The following RNF216 variants were observed in gnomAD, a reference collection of about 807,000 sequenced individuals.
RNF216 encodes the protein ring finger protein 216.
A neutral mutation model predicts 110.8 loss-of-function variants in RNF216; 72 were observed. The observed-to-expected ratio is 0.65, with a 90% CI of 0.54 to 0.79. The LOEUF (loss-of-function observed/expected upper bound fraction) is 0.79. Among genes scored for constraint, RNF216 ranks in the 30% least tolerant of loss-of-function variants. The pLI is 0.00. For missense variants in RNF216, 1,342 were observed against 1,141.2 expected (o/e 1.18, Z -2.54); for synonymous variants, 495 against 407.5 (o/e 1.21, Z -2.59).
At chr7:5,724,529 C>T (rs1375806211) in intron 8 of RNF216, among the ~76,000 whole-genome samples, 3 of 152,210 alleles carry the variant, frequency 2.0e-5, no homozygotes, top group African/African-American at 7.2e-5. Flanking sequence ...CATTCTGCCA[C>T]AGGCCAGGGC....
At chr7:5,707,636 A>ATAT (rs1792375864) in intron 13 of RNF216, among the ~76,000 whole-genome samples, 1 of 150,626 alleles carries the variant, frequency 6.6e-6, no homozygotes, top group Admixed American at 6.6e-5. Context: ...TTCCAGTGTT[A>ATAT]TATAGCATGG....
chr7:5,739,373 A>G (rs1364439355), intron 4 of RNF216, 21 bp from the exon 5 acceptor site: 3 of 1,583,538 alleles, frequency 1.9e-6, no homozygotes, highest in East Asian at 2.2e-5. Context: ...ATAAGAACAT[A>G]ATTTATATTT....
rs1033387702 is a variant in RNF216, at chr7:5,701,795, C to A, written c.2061+9966G>T. 2.6e-5 allele frequency among the ~76,000 whole-genome samples: 4 copies of A among 152,338 alleles called. No homozygotes were observed. In the East Asian group the frequency reaches 5.8e-4, roughly 22 times the overall value. On this transcript the variant is annotated intron_variant, in intron 13 of 16. Coordinates refer to ENST00000389902, the MANE Select transcript of RNF216 (RefSeq NM_207111.4). ...CAGCACCCAGTGCTGTGCAGAGCTG[C>A]ACATCAATCAACACTTCTCACGTAA...
intron 13 of RNF216, among the ~76,000 whole-genome samples, chr7:5,654,114 C>CAGA (rs931828516): frequency 2.8e-4 from 42 of 152,028 alleles, no homozygotes; most frequent in African/African-American, 1.0e-3. Flanking sequence ...GTGCAAAAGA[C>CAGA]AGAAGCTAGT....
At chr7:5,742,230 A>T (rs573675028) in intron 3 of RNF216, among the ~76,000 whole-genome samples, 1 of 152,130 alleles carries the variant, frequency 6.6e-6, no homozygotes, top group East Asian at 1.9e-4. Flanking sequence ...TGTTTCTAAG[A>T]GAGATGGGGT....
chr7:5,746,215 C>T (rs865880558), intron 3 of RNF216, among the ~76,000 whole-genome samples: 2 of 152,126 alleles, frequency 1.3e-5, no homozygotes, highest in Admixed American at 6.5e-5. Flanking sequence ...TTGAGGGTAC[C>T]AAGGTTAGGC....
At chr7:5,770,860 T>C (rs976994337) in intron 1 of RNF216, among the ~76,000 whole-genome samples, 1 of 151,032 alleles carries the variant, frequency 6.6e-6, no homozygotes, top group Non-Finnish European at 1.5e-5. Context: ...CAGGCCGGAG[T>C]GCAGTGGTGT....
chr7:5,760,991 CA>C lies in RNF216; in HGVS notation c.67+11del, dbSNP rs779155102. 6 of 1,563,182 alleles carry C rather than the reference CA, an allele frequency of 3.8e-6. No individual in the cohort carries two copies. Among genetic ancestry groups the C allele is most frequent in the Non-Finnish European group, 5.2e-6 (6 of 1,150,540 alleles). Reference sequence around the variant, plus strand: ...CACAGGGAAAGGGATGAAGTGAGAACAAACAACTTACCTTGTCCCCGATGGC... The same window carrying C: ...CACAGGGAAAGGGATGAAGTGAGAACAACAACTTACCTTGTCCCCGATGGC... On this transcript the variant is annotated intron_variant, in intron 2 of 16. Coordinates refer to ENST00000389902, the MANE Select transcript of RNF216 (RefSeq NM_207111.4).
intron 8 of RNF216, among the ~76,000 whole-genome samples, chr7:5,723,399 G>A (rs957252956): frequency 6.6e-6 from 1 of 151,920 alleles, no homozygotes; most frequent in Non-Finnish European, 1.5e-5. Context: ...CTGTAATCTC[G>A]CACTTTGGGA....
chr7:5,735,121 G>C (rs1164290599), intron 5 of RNF216, among the ~76,000 whole-genome samples: 3 of 152,062 alleles, frequency 2.0e-5, no homozygotes, highest in African/African-American at 7.2e-5. Context: ...ACTCCAGCCT[G>C]GGCAAGAGAG....
chr7:5,726,979 AAGG>A (rs563064429), intron 7 of RNF216, among the ~76,000 whole-genome samples: 3 of 152,124 alleles, frequency 2.0e-5, no homozygotes, highest in South Asian at 2.1e-4. Flanking sequence ...GCAAGAGAAG[AAGG>A]AAGAGTGGGA....
intron 13 of RNF216, among the ~76,000 whole-genome samples, chr7:5,659,837 C>A (rs1271750067): frequency 6.6e-6 from 1 of 152,058 alleles, no homozygotes; most frequent in Non-Finnish European, 1.5e-5. Context: ...TGCGATGGGG[C>A]AATAGCAGCA....
chr7:5,702,985 A>C (rs771587648), intron 13 of RNF216, among the ~76,000 whole-genome samples: 1 of 152,152 alleles, frequency 6.6e-6, no homozygotes, highest in Non-Finnish European at 1.5e-5. Flanking sequence ...CCTACATGAT[A>C]TACCTGTAAG....
In RNF216 at chr7:5,752,855, G is replaced by A; in HGVS notation, c.192C>T (p.Ile64=). The change falls in exon 3 of 17, where the codon ATC becomes ATT. Residue 64 remains isoleucine (I), a synonymous_variant. Transcript: ENST00000389902. The part of the protein sequence containing the change: ...HEEEDLDDDV[I]LTETNKPQRS... ...TTTAAAGAAAACTCACTTCTGTCAG[G>A]ATGACATCATCATCCAGGTCCTCTT... 2.2e-5 allele frequency: 36 copies of A among 1,611,178 alleles called. No homozygotes were observed. Among genetic ancestry groups the A allele is most frequent in the Non-Finnish European group, 3.1e-5 (36 of 1,178,982 alleles).
chr7:5,759,801 T>G (rs1795838443), intron 2 of RNF216, among the ~76,000 whole-genome samples: 1 of 151,952 alleles, frequency 6.6e-6, no homozygotes, highest in African/African-American at 2.4e-5. Flanking sequence ...CCAGCTAATT[T>G]TTGTATTTTT....
At chr7:5,728,331 G>A (rs1562436231) in intron 7 of RNF216, among the ~76,000 whole-genome samples, 1 of 151,884 alleles carries the variant, frequency 6.6e-6, no homozygotes, top group African/African-American at 2.4e-5. Flanking sequence ...GGTAATCCCA[G>A]CACTGTGGGA....
At chr7:5,692,895 C>A (rs758138192) in intron 13 of RNF216, among the ~76,000 whole-genome samples, 1 of 152,216 alleles carries the variant, frequency 6.6e-6, no homozygotes, top group Non-Finnish European at 1.5e-5. Context: ...TGGTGAGCAT[C>A]CTCAAAAGCG....
intron 13 of RNF216, among the ~76,000 whole-genome samples, chr7:5,661,547 A>C (rs1465929554): frequency 6.6e-6 from 1 of 152,174 alleles, no homozygotes. Context: ...TCACTCTTGT[A>C]ATCCAAGCAT....
intron 1 of RNF216, among the ~76,000 whole-genome samples, chr7:5,769,156 T>C (rs1008948232): frequency 2.0e-5 from 3 of 151,150 alleles, no homozygotes; most frequent in African/African-American, 7.3e-5. Flanking sequence ...TTCCCCTCTG[T>C]TGCCAGACTG....
Sources: allele counts gnomAD v4.1 joint callset (sites outside exome capture counted in the v4.1 genomes callset), GRCh38; gene constraint gnomAD v4.1.1; transcripts MANE v1.5; gene names NCBI Gene and HGNC (gene_info 2026-07-23, HGNC 2026-07-21).